Variants in PRCD observed in about 807,000 individuals in gnomAD.
The protein encoded by PRCD is photoreceptor disc component.
A neutral mutation model predicts 10.1 loss-of-function variants in PRCD; 12 were observed. The ratio of observed to expected loss-of-function variants is 1.18; its 90% CI spans 0.76 to 1.92. The LOEUF (loss-of-function observed/expected upper bound fraction) is 1.92, where lower values mean the gene tolerates loss of function less well. PRCD is among the 40% of genes most tolerant of loss of function. PRCD has a pLI of 0.00. For missense variants in PRCD, 61 were observed against 72.2 expected (o/e 0.84, Z 0.56); for synonymous variants, 31 against 26.2 (o/e 1.18, Z -0.56).
downstream of PRCD, among the ~76,000 whole-genome samples, chr17:76,547,894 CAG>C (rs1267879164): frequency 6.8e-6 from 1 of 147,526 alleles, no homozygotes. Flanking sequence ...CACATACACA[CAG>C]ACACACATAA....
intron 1 of PRCD, among the ~76,000 whole-genome samples, chr17:76,534,624 C>T (rs373059558): frequency 2.6e-5 from 4 of 152,342 alleles, no homozygotes; most frequent in South Asian, 2.1e-4. Context: ...GTTTTAATCC[C>T]CATCCTATGA....
intron 4 of PRCD, among the ~76,000 whole-genome samples, chr17:76,543,560 C>T (rs1279459748): frequency 6.6e-6 from 1 of 152,242 alleles, no homozygotes; most frequent in Admixed American, 6.5e-5. Context: ...CCCAACATCA[C>T]CTAGCTAGGA....
downstream of PRCD, chr17:76,546,431 G>A (rs11657534): frequency 0.72 from 95,893 of 132,528 alleles, 33,791 homozygotes; most frequent in East Asian, 0.89. This position sits in a 1 kb window ranked among gnomAD's most constrained non-coding sequence, Gnocchi z 4.5. Flanking sequence ...CCAAGTGTGC[G>A]GTTGTGTGTG....
At chr17:76,527,777 C>A (rs755793489), upstream of PRCD, 3 of 453,932 alleles carry the variant, frequency 6.6e-6, no homozygotes, top group Non-Finnish European at 8.8e-6. Context: ...GCCCCTCCCC[C>A]AGTGCGGTCA....
At chr17:76,527,936 C>T (rs1394424833) in intron 1 of PRCD, 2 of 389,720 alleles carry the variant, frequency 5.1e-6, no homozygotes, top group Admixed American at 2.7e-5. Flanking sequence ...CTGGGCTTTG[C>T]CGCCAAGCCG....
At chr17:76,541,480 C>T (rs2074993072) in intron 2 of PRCD, among the ~76,000 whole-genome samples, 1 of 152,110 alleles carries the variant, frequency 6.6e-6, no homozygotes, top group African/African-American at 2.4e-5. Flanking sequence ...GCAATGTGTC[C>T]CTTAGATATG....
chr17:76,537,498 C>T, upstream of PRCD: 1 of 1,582,096 alleles, frequency 6.3e-7, no homozygotes, highest in Non-Finnish European at 8.6e-7. Flanking sequence ...GCTCCTCGCT[C>T]CGCTCCCTGC....
chr17:76,541,216 A>G (rs2074989374), intron 2 of PRCD, among the ~76,000 whole-genome samples: 1 of 152,168 alleles, frequency 6.6e-6, no homozygotes, highest in Admixed American at 6.5e-5. Context: ...TATCCCAACC[A>G]AACACTGGAA....
chr17:76,528,698 G>A lies in PRCD; in HGVS notation n.45+865G>A, dbSNP rs145129132. Reference sequence around the variant, plus strand: ...GAAAGGGGGAGGACCTGGGGCTGGCGAGGCTCACTTCCTGCCAAGAGATCC... The same window carrying A: ...GAAAGGGGGAGGACCTGGGGCTGGCAAGGCTCACTTCCTGCCAAGAGATCC... On this transcript the variant is annotated intron_variant and non_coding_transcript_variant, in intron 1 of 4. Coordinates refer to the PRCD transcript ENST00000397633. This position sits in a 1 kb window ranked among gnomAD's most constrained non-coding sequence, Gnocchi z 5.8. 1.2e-5 allele frequency: 14 copies of A among 1,184,654 alleles called. No individual in the cohort carries two copies. Among genetic ancestry groups the A allele is most frequent in the East Asian group, 6.4e-5 (2 of 31,374 alleles). The allele number at this position is 1,184,654 out of a possible 1,614,324, so 73.4% of individuals were successfully genotyped here.
upstream of PRCD, among the ~76,000 whole-genome samples, chr17:76,537,247 G>C (rs1312412534): frequency 6.6e-6 from 1 of 152,168 alleles, no homozygotes; most frequent in Non-Finnish European, 1.5e-5. Flanking sequence ...TCACCCCAAG[G>C]CGCCCCACGC....
In PRCD at chr17:76,540,093, C is replaced by T. The variant is rs2074967957; in HGVS notation, c.-49C>T. 1.9e-6 allele frequency: 3 copies of T among 1,565,322 alleles called. No homozygotes were observed. The highest frequency in any genetic ancestry group is 1.9e-5 in the Admixed American group (1 of 53,242). On this transcript the variant is annotated 5_prime_UTR_variant, in exon 1 of 5. Transcript: ENST00000592014. This position sits in a 1 kb window ranked among gnomAD's most constrained non-coding sequence, Gnocchi z 5.0. ...GGCTGGGGCCATTTTGGCCCCTCGC[C>T]TGTGGCCTTCTGCAGACTTGGCCTG...
Position 76,528,673 on chromosome 17 carries a change from G to A in PRCD, n.45+840G>A, listed in dbSNP as rs2074796076. 1 of 1,239,812 alleles carries A rather than the reference G, an allele frequency of 8.1e-7. No individual in the cohort carries two copies. The highest frequency in any genetic ancestry group is 1.6e-5 in the African/African-American group (1 of 64,452). The allele number at this position is 1,239,812 out of a possible 1,614,324, so 76.8% of individuals were successfully genotyped here. A position where few individuals can be genotyped will look rare whatever the true frequency, so the allele number is the denominator to read the frequency against. ...CAGAGGCAGGGAAGGACCCTCGGGGGAAAGGGGGAGGACCTGGGGCTGGCG... is the reference window on the plus strand; with the variant it reads ...CAGAGGCAGGGAAGGACCCTCGGGGAAAAGGGGGAGGACCTGGGGCTGGCG... On this transcript the variant is annotated intron_variant and non_coding_transcript_variant, in intron 1 of 4. Coordinates refer to the PRCD transcript ENST00000397633. This position sits in a 1 kb window ranked among gnomAD's most constrained non-coding sequence, Gnocchi z 5.8.
chr17:76,539,986 C>T (rs1303074838), upstream of PRCD: 4 of 745,010 alleles, frequency 5.4e-6, no homozygotes, highest in South Asian at 1.7e-5. Context: ...AGGTCGGGGC[C>T]GCTGACCCAC....
At chr17:76,537,512 C>G (rs1349628825), upstream of PRCD, 8 of 1,574,638 alleles carry the variant, frequency 5.1e-6, no homozygotes, top group African/African-American at 2.8e-5. Flanking sequence ...TCCCTGCGCT[C>G]GATCTCCATC....
rs758393407 is a variant in PRCD at position 76,543,084 on chromosome 17, G to A, written c.*115G>A. On this transcript the variant is annotated 3_prime_UTR_variant, in exon 4 of 5. Coordinates refer to ENST00000592014, the MANE Select transcript of PRCD (RefSeq NM_001077620.3). ...AGGATGCTGTGGGAGCTGCAGCAGCGGCAAGAGGGAGAATGGGGGGAAGCA... is the reference window on the plus strand; with the variant it reads ...AGGATGCTGTGGGAGCTGCAGCAGCAGCAAGAGGGAGAATGGGGGGAAGCA... 4.6e-4 allele frequency: 219 copies of A among 471,590 alleles called. No homozygotes were observed. The highest frequency in any genetic ancestry group is 4.1e-4 in the Non-Finnish European group (93 of 227,378). The allele number at this position is 471,590 out of a possible 1,614,324, so 29.2% of individuals were successfully genotyped here.
chr17:76,528,314 GTCTC>G lies in PRCD; in HGVS notation n.45+487_45+490del, dbSNP rs2074790737. The G allele has an allele frequency of 5.0e-6, 2 of 400,838 alleles. No homozygotes were observed. Among genetic ancestry groups the G allele is most frequent in the South Asian group, 1.2e-4 (1 of 8,364 alleles). 24.8% of individuals were successfully genotyped at this position (400,838 alleles called of 1,614,324 possible). On this transcript the variant is annotated intron_variant and non_coding_transcript_variant, in intron 1 of 4. Transcript: ENST00000397633. The surrounding 1 kb of genome is among the most constrained non-coding windows in gnomAD (Gnocchi z 5.8). ...CGCTTCCTGCCAGCCGCTCAGCTAG[GTCTC>G]TCTCTAACAGTGAGTAGAAAAGCTA... is the stretch of plus-strand genomic sequence containing the variant.
At position 76,530,727 on chromosome 17, in the gene PRCD, G is replaced by A. The variant is rs908232053; in HGVS notation, n.45+2894G>A. On this transcript the variant is annotated intron_variant and non_coding_transcript_variant, in intron 1 of 4. Transcript: ENST00000397633. The surrounding 1 kb of genome is among the most constrained non-coding windows in gnomAD (Gnocchi z 6.1). The stretch of plus-strand genomic sequence containing the variant: ...TGCTCTGAGCTCTCCCTGGCTCTAG[G>A]GAAGGGGAAGGCTCTTTGGGAGGAT... 6.6e-6 allele frequency among the ~76,000 whole-genome samples: 1 copy of A among 152,164 alleles called. No individual in the cohort carries two copies. The highest frequency in any genetic ancestry group is 2.4e-5 in the African/African-American group (1 of 41,438).
chr17:76,539,955 T>C (rs2074965924), upstream of PRCD: 3 of 625,494 alleles, frequency 4.8e-6, no homozygotes, highest in Non-Finnish European at 8.5e-6. Context: ...CTGGGCCCAG[T>C]GAGCTTAATC....
At chr17:76,529,890 C>T (rs1393466475) in intron 1 of PRCD, 1 of 985,222 alleles carries the variant, frequency 1.0e-6, no homozygotes, top group Non-Finnish European at 1.2e-6. Context: ...ACTCCACTCT[C>T]TTGGGGTGGT....
Sources: gnomAD v4.1 joint callset for allele counts (sites outside exome capture counted in the v4.1 genomes callset) on GRCh38, gnomAD v4.1.1 for gene constraint, Gnocchi (gnomAD v3.1) non-coding constraint, MANE v1.5 for transcripts, NCBI Gene and HGNC (gene_info 2026-07-23, HGNC 2026-07-21) for gene names.